The following MYOF variants were observed in gnomAD, a reference collection of about 807,000 sequenced individuals.
The protein encoded by MYOF is fer-1-like 3, myoferlin.
MYOF carries 244 observed loss-of-function variants against 284.2 expected under a neutral mutation model. The observed-to-expected ratio is 0.86, with a 90% CI of 0.77 to 0.95. The LOEUF is 0.95. MYOF is among the 40% of genes least tolerant of loss of function. The pLI, the probability that MYOF is intolerant of heterozygous loss-of-function variation, is 0.00. For missense variants in MYOF, 2,496 were observed against 2,560.6 expected (o/e 0.97, Z 0.54); for synonymous variants, 904 against 919.7 (o/e 0.98, Z 0.31).
At chr10:93,470,923 G>C (rs976885747) in intron 1 of MYOF, among the ~76,000 whole-genome samples, 1 of 152,164 alleles carries the variant, frequency 6.6e-6, no homozygotes, top group Non-Finnish European at 1.5e-5. Flanking sequence ...GAGACAGGGA[G>C]TGTCCTAGCA....
At position 93,389,129 on chromosome 10, in the gene MYOF, G is replaced by A. The variant is rs1846548922; in HGVS notation, c.1482C>T (p.Gly494=). ...YTVNTGETEV[G]FVPTFGPCYL... ...AACAAGGTCCAAACGTTGGAACAAA[G>A]CCTACCTCTGTTTCTCCTGTGTTTA... The change falls in exon 18 of 54, where the codon GGC becomes GGT. Residue 494 remains glycine, a synonymous_variant. Transcript: ENST00000359263. 1 of 1,614,044 alleles carries A rather than the reference G, an allele frequency of 6.2e-7. No homozygotes were observed. Among genetic ancestry groups the A allele is most frequent in the Non-Finnish European group, 8.5e-7 (1 of 1,179,954 alleles).
chr10:93,345,897 C>G (rs924734603), intron 37 of MYOF, among the ~76,000 whole-genome samples: 1 of 152,194 alleles, frequency 6.6e-6, no homozygotes, highest in Non-Finnish European at 1.5e-5. Flanking sequence ...TTAGACCCAG[C>G]CCACCCCTGA....
At chr10:93,309,656 A>T (rs1047290663) in intron 53 of MYOF, among the ~76,000 whole-genome samples, 1 of 152,174 alleles carries the variant, frequency 6.6e-6, no homozygotes, top group Non-Finnish European at 1.5e-5. Context: ...TGAAGCTAGG[A>T]CAAGGAATTA....
At chr10:93,320,046 C>A (rs775864964) in intron 48 of MYOF, 33 bp from the exon 49 acceptor site, 1 of 1,611,406 alleles carries the variant, frequency 6.2e-7, no homozygotes, top group Non-Finnish European at 8.5e-7. Context: ...CTTAGCTTCA[C>A]GTGATTGACA....
intron 1 of MYOF, among the ~76,000 whole-genome samples, chr10:93,463,283 C>A (rs117458544): frequency 6.6e-6 from 1 of 151,850 alleles, no homozygotes; most frequent in Non-Finnish European, 1.5e-5. Flanking sequence ...TGGCCCAGTG[C>A]GGTGCTTATA....
chr10:93,334,498 T>C lies in MYOF; in HGVS notation c.4564-585A>G, dbSNP rs75886589. ...TCTATTTATTCTCTAGATCCTTCAT[T>C]AGACTGTGGGCTTCTAGAGACGGGT... On this transcript the variant is annotated intron_variant, in intron 41 of 53. Coordinates refer to ENST00000359263, the MANE Select transcript of MYOF (RefSeq NM_013451.4). Among the ~76,000 whole-genome samples the C allele has an allele frequency of 7.2e-5, 11 of 152,310 alleles. No individual in the cohort carries two copies. The East Asian group carries it at 2.1e-3, about 29-fold the overall frequency.
At chr10:93,389,419 C>T (rs1270256119) in intron 17 of MYOF, among the ~76,000 whole-genome samples, 1 of 152,184 alleles carries the variant, frequency 6.6e-6, no homozygotes, top group Non-Finnish European at 1.5e-5. Context: ...AGCAATTAGA[C>T]TTTGAAGTTG....
At chr10:93,408,985 T>C in intron 6 of MYOF, 70 bp from the exon 7 acceptor site, 2 of 1,596,628 alleles carry the variant, frequency 1.3e-6, no homozygotes. Flanking sequence ...CCTCAGGTGT[T>C]GCTTCATTTC....
chr10:93,462,350 G>C (rs1046382401), intron 1 of MYOF, among the ~76,000 whole-genome samples: 1 of 152,124 alleles, frequency 6.6e-6, no homozygotes, highest in Non-Finnish European at 1.5e-5. Flanking sequence ...GATTACAGGC[G>C]TGAGACACCG....
In MYOF at chr10:93,310,079, C is replaced by T. The variant is rs369733924; in HGVS notation, c.6088G>A (p.Gly2030Ser). 8.7e-6 allele frequency: 14 copies of T among 1,613,920 alleles called. No individual in the cohort carries two copies. Among genetic ancestry groups the T allele is most frequent in the South Asian group, 4.4e-5 (4 of 91,068 alleles). The change falls in exon 53 of 54, where the codon GGC becomes AGC. Residue 2030 changes from glycine (G) to serine (S), a missense_variant. Gly to Ser is a moderately conservative substitution (Grantham distance 56, BLOSUM62 0). Transcript: ENST00000359263. Reference sequence around the variant, plus strand: ...AGCAGGATAAGCAGGAACAGCAAGCCGATGATGACCCACTTAAAGCGGCGC... The same window carrying T: ...AGCAGGATAAGCAGGAACAGCAAGCTGATGATGACCCACTTAAAGCGGCGC... ...VWRRFKWVII[G>S]LLFLLILLLF...
At chr10:93,472,521 C>A (rs1026606294) in intron 1 of MYOF, among the ~76,000 whole-genome samples, 1 of 152,134 alleles carries the variant, frequency 6.6e-6, no homozygotes, top group African/African-American at 2.4e-5. Context: ...TGCCTGTAAT[C>A]CCAGCTACTT....
chr10:93,337,716 C>T, intron 40 of MYOF, 99 bp downstream of exon 40: 1 of 952,382 alleles, frequency 1.0e-6, no homozygotes, highest in Non-Finnish European at 1.6e-6. Flanking sequence ...TGCTCATTAG[C>T]ACCCACCCAA....
chr10:93,351,384 A>C (rs1844499901), intron 34 of MYOF, 29 bp downstream of exon 34: 1 of 1,611,908 alleles, frequency 6.2e-7, no homozygotes, highest in Admixed American at 1.7e-5. Flanking sequence ...CAGCTGACAG[A>C]ATACATGAGG....
At chr10:93,331,671 T>A (rs1564624140) in intron 43 of MYOF, among the ~76,000 whole-genome samples, 1 of 123,110 alleles carries the variant, frequency 8.1e-6, no homozygotes, top group Non-Finnish European at 1.7e-5. Context: ...CTGGCCCGGG[T>A]GCATGGCCTT....
Position 93,323,134 on chromosome 10 carries a change from A to G in MYOF, c.5400T>C (p.Val1800=), listed in dbSNP as rs1451258634. The G allele has an allele frequency of 1.2e-6, 2 of 1,614,158 alleles. No homozygotes were observed. Among genetic ancestry groups the G allele is most frequent in the Non-Finnish European group, 1.7e-6 (2 of 1,179,958 alleles). The change falls in exon 48 of 54, where the codon GTT becomes GTC. Residue 1800 remains valine, a synonymous_variant. Coordinates refer to ENST00000359263, the MANE Select transcript of MYOF (RefSeq NM_013451.4). The part of the protein sequence containing the change: ...LRVIIWNTKD[V]ILDEKSITGE... The stretch of plus-strand genomic sequence containing the variant: ...CTGTGATGCTTTTCTCGTCCAAGAT[A>G]ACGTCCTTGGTGTTCCAGATGATCA...
At chr10:93,449,995 C>G (rs1316326101) in intron 3 of MYOF, among the ~76,000 whole-genome samples, 2 of 152,034 alleles carry the variant, frequency 1.3e-5, no homozygotes, top group African/African-American at 4.8e-5. Context: ...ATTTACTGTA[C>G]CCCTGTAATC....
chr10:93,473,018 T>A (rs888348648), intron 1 of MYOF, among the ~76,000 whole-genome samples: 6 of 152,194 alleles, frequency 3.9e-5, no homozygotes. Context: ...CTCCACACTC[T>A]GTAGATGAGG....
At position 93,347,682 on chromosome 10, in the gene MYOF, T is replaced by A. The variant is rs1165060995; in HGVS notation, c.4184A>T (p.Glu1395Val). ...RKPVVGQCTI[E>V]RLDRFRCDPY... The stretch of plus-strand genomic sequence containing the variant: ...GTCACAGCGAAAGCGGTCCAGGCGC[T>A]CGATGGTGCACTGGCCGACGACAGG... The change falls in exon 37 of 54, where the codon GAG becomes GTG. Residue 1395 changes from glutamate to valine, a missense_variant. Coordinates refer to ENST00000359263, the MANE Select transcript of MYOF (RefSeq NM_013451.4). 2.5e-6 allele frequency: 4 copies of A among 1,613,884 alleles called. No homozygotes were observed. Among genetic ancestry groups the A allele is most frequent in the Non-Finnish European group, 3.4e-6 (4 of 1,180,014 alleles).
intron 48 of MYOF, among the ~76,000 whole-genome samples, chr10:93,322,654 C>T (rs1316776873): frequency 1.3e-5 from 2 of 152,152 alleles, no homozygotes; most frequent in African/African-American, 4.8e-5. Flanking sequence ...TCCTCTTTTC[C>T]ATAGACATGG....
Sources: allele counts gnomAD v4.1 joint callset (sites outside exome capture counted in the v4.1 genomes callset), GRCh38; gene constraint gnomAD v4.1.1; transcripts MANE v1.5; gene names NCBI Gene and HGNC (gene_info 2026-07-23, HGNC 2026-07-21).